Variants in C10orf90 observed in about 807,000 individuals in gnomAD.
The protein encoded by C10orf90 is (E2-independent) E3 ubiquitin-conjugating enzyme FATS.
C10orf90 carries 56 observed loss-of-function variants against 62.5 expected under a neutral mutation model. The observed-to-expected ratio is 0.90, with a 90% confidence interval of 0.72 to 1.12. The LOEUF is 1.12. Among genes scored for constraint, C10orf90 ranks in the 50% most tolerant of loss-of-function variants. C10orf90 has a pLI of 0.00. For synonymous variants in C10orf90, 386 were observed against 340.4 expected (o/e 1.13, Z -1.47); for missense variants, 970 against 880.4 (o/e 1.10, Z -1.29).
At chr10:126,568,536 GAC>G (rs1844439630) in intron 2 of C10orf90, among the ~76,000 whole-genome samples, 1 of 152,130 alleles carries the variant, frequency 6.6e-6, no homozygotes, top group Non-Finnish European at 1.5e-5. Context: ...GGTTTAGTCA[GAC>G]ACACCCTGAT....
chr10:126,490,051 TATGTTATATA>T (rs1393452335), intron 4 of C10orf90, among the ~76,000 whole-genome samples: 1 of 90,846 alleles, frequency 1.1e-5, no homozygotes, highest in Admixed American at 1.3e-4. Flanking sequence ...TATTATATAT[TATGTTATATA>T]ATATATAATA....
intron 2 of C10orf90, among the ~76,000 whole-genome samples, chr10:126,547,191 G>A (rs977508171): frequency 2.0e-4 from 30 of 152,022 alleles, no homozygotes; most frequent in African/African-American, 5.3e-4. Context: ...AGGCCGAGGC[G>A]GGCGGATCAG....
At chr10:126,588,660 A>G (rs931263811) in intron 2 of C10orf90, among the ~76,000 whole-genome samples, 1 of 152,202 alleles carries the variant, frequency 6.6e-6, no homozygotes. Flanking sequence ...AGCAACAACA[A>G]CAACATTAAC....
intron 2 of C10orf90, among the ~76,000 whole-genome samples, chr10:126,580,652 C>CAA (rs58927719): frequency 0.36 from 48,448 of 134,538 alleles, 8,609 homozygotes; most frequent in Middle Eastern, 0.43. Flanking sequence ...GGCTCTGTCT[C>CAA]AAAAAAAAAA....
At chr10:126,524,463 C>T (rs754665701) in intron 2 of C10orf90, 4 of 236,422 alleles carry the variant, frequency 1.7e-5, no homozygotes, top group Non-Finnish European at 2.8e-5. Context: ...GCCTGGGTAG[C>T]GGGGACAGGA....
At chr10:126,507,356 C>CAAAAAA (rs1204374185) in intron 3 of C10orf90, among the ~76,000 whole-genome samples, 13 of 69,026 alleles carry the variant, frequency 1.9e-4, no homozygotes, top group Middle Eastern at 8.1e-3. Flanking sequence ...GACTCCATCT[C>CAAAAAA]AAAAAAAAAA....
chr10:126,665,513 A>G (rs1846607890), intron 1 of C10orf90, among the ~76,000 whole-genome samples: 1 of 152,190 alleles, frequency 6.6e-6, no homozygotes, highest in Non-Finnish European at 1.5e-5. Context: ...CAAAGCCCAG[A>G]GCTAAGTTTC....
intron 1 of C10orf90, among the ~76,000 whole-genome samples, chr10:126,655,909 C>T (rs1249934483): frequency 1.3e-5 from 2 of 151,644 alleles, no homozygotes; most frequent in Non-Finnish European, 2.9e-5. Context: ...GACATGCATG[C>T]CCTGGGCCTG....
intron 7 of C10orf90, among the ~76,000 whole-genome samples, chr10:126,452,946 G>A (rs190286114): frequency 6.6e-5 from 10 of 152,242 alleles, no homozygotes; most frequent in Admixed American, 3.3e-4. Flanking sequence ...AGATCAGACC[G>A]GTCAACAGGA....
At chr10:126,491,092 A>T (rs1295697842) in intron 4 of C10orf90, among the ~76,000 whole-genome samples, 4 of 152,226 alleles carry the variant, frequency 2.6e-5, no homozygotes, top group Admixed American at 2.6e-4. Context: ...AATATAAAAT[A>T]GGTAAGGATA....
chr10:126,453,395 A>T lies in C10orf90; in HGVS notation c.2188+5645T>A, dbSNP rs971470192. 2.0e-5 allele frequency among the ~76,000 whole-genome samples: 3 copies of T among 152,188 alleles called. No individual in the cohort carries two copies. The highest frequency in any genetic ancestry group is 6.5e-5 in the Admixed American group (1 of 15,286). Reference sequence around the variant, plus strand: ...AGGTGATCTGGAGGGATGCAAGAATACCAAGATGCAAAGAGTGTTCAAATG... The same window carrying T: ...AGGTGATCTGGAGGGATGCAAGAATTCCAAGATGCAAAGAGTGTTCAAATG... On this transcript the variant is annotated intron_variant, in intron 7 of 9. Transcript: ENST00000488181. The surrounding 1 kb of genome is among the most constrained non-coding windows in gnomAD (Gnocchi z 4.9).
chr10:126,443,479 C>T (rs141831474), intron 7 of C10orf90, among the ~76,000 whole-genome samples: 1 of 151,940 alleles, frequency 6.6e-6, no homozygotes, highest in African/African-American at 2.4e-5. Context: ...GAATTAGATA[C>T]CCTGAACAGA....
chr10:126,486,588 A>G (rs954710247), intron 4 of C10orf90, among the ~76,000 whole-genome samples: 8 of 152,224 alleles, frequency 5.3e-5, no homozygotes, highest in Non-Finnish European at 2.9e-5. Context: ...AATATGTTTA[A>G]AGGCATAAAA....
intron 2 of C10orf90, among the ~76,000 whole-genome samples, chr10:126,514,575 C>T (rs373168834): frequency 1.1e-4 from 17 of 152,116 alleles, no homozygotes; most frequent in African/African-American, 4.1e-4. Context: ...TGCTGGATGC[C>T]CCAAACACTG....
At chr10:126,635,466 A>G (rs1382158099) in intron 2 of C10orf90, among the ~76,000 whole-genome samples, 1 of 152,194 alleles carries the variant, frequency 6.6e-6, no homozygotes, top group Non-Finnish European at 1.5e-5. Context: ...GCCATAAAAT[A>G]GAGTGGGCTC....
chr10:126,655,824 C>CA (rs1846382524), intron 1 of C10orf90, among the ~76,000 whole-genome samples: 2 of 94,594 alleles, frequency 2.1e-5, no homozygotes, highest in African/African-American at 4.2e-5. Context: ...GCAACAGAGA[C>CA]AAAACAAAAC....
At chr10:126,438,984 A>G (rs915487408) in intron 7 of C10orf90, among the ~76,000 whole-genome samples, 1 of 152,060 alleles carries the variant, frequency 6.6e-6, no homozygotes, top group Non-Finnish European at 1.5e-5. Context: ...CCCTGGTTTC[A>G]TGGCCACTCC....
At chr10:126,489,522 A>T (rs1477427940) in intron 4 of C10orf90, among the ~76,000 whole-genome samples, 1 of 152,176 alleles carries the variant, frequency 6.6e-6, no homozygotes, top group Non-Finnish European at 1.5e-5. Context: ...CCACAATGAG[A>T]TAACACTTCC....
At chr10:126,589,975 G>C (rs1487394769) in intron 2 of C10orf90, among the ~76,000 whole-genome samples, 1 of 152,060 alleles carries the variant, frequency 6.6e-6, no homozygotes, top group Non-Finnish European at 1.5e-5. Flanking sequence ...ACACACACAG[G>C]CTCAATTTAA....
Sources: allele counts gnomAD v4.1 joint callset (sites outside exome capture counted in the v4.1 genomes callset), GRCh38; gene constraint gnomAD v4.1.1; non-coding constraint Gnocchi (gnomAD v3.1); transcripts MANE v1.5; gene names NCBI Gene and HGNC (gene_info 2026-07-23, HGNC 2026-07-21).